ACACA: variants seen among roughly 807,000 people sequenced by gnomAD.
The protein encoded by ACACA is acetyl-CoA carboxylase 1.
Under a neutral mutation model 296.1 loss-of-function variants are expected in ACACA, and 103 were observed. The ratio of observed to expected loss-of-function variants is 0.35; its 90% CI spans 0.30 to 0.41. The LOEUF is 0.41. Among genes scored for constraint, ACACA ranks in the 10% least tolerant of loss-of-function variants. The pLI is 1.00. For synonymous variants in ACACA, 953 were observed against 1,038.6 expected (o/e 0.92, Z 1.58); for missense variants, 1,554 against 2,989.7 (o/e 0.52, Z 11.20).
chr17:37,160,267 C>T (rs1344467809), intron 42 of ACACA, among the ~76,000 whole-genome samples: 5 of 152,106 alleles, frequency 3.3e-5, no homozygotes, highest in Non-Finnish European at 7.3e-5. Flanking sequence ...TGATCGTACA[C>T]TTAAGTTAGC....
intron 1 of ACACA, chr17:37,379,407 G>A (rs1304184940): frequency 8.1e-6 from 13 of 1,605,706 alleles, no homozygotes; most frequent in African/African-American, 2.7e-5. Context: ...GAGGAAGGGG[G>A]CAGGCACTAA....
intron 3 of ACACA, among the ~76,000 whole-genome samples, chr17:37,300,530 TAAC>T (rs1204701940): frequency 1.3e-5 from 2 of 152,152 alleles, no homozygotes; most frequent in African/African-American, 2.4e-5. Context: ...TAGAAATAGT[TAAC>T]AATCTGATGC....
At chr17:37,138,085 A>T (rs555776519) in intron 45 of ACACA, among the ~76,000 whole-genome samples, 1 of 152,352 alleles carries the variant, frequency 6.6e-6, no homozygotes, top group East Asian at 1.9e-4. Flanking sequence ...GTCAAAAATC[A>T]GCCAGAAAAT....
chr17:37,367,259 C>CA (rs1350491259), intron 1 of ACACA, among the ~76,000 whole-genome samples: 1 of 148,796 alleles, frequency 6.7e-6, no homozygotes, highest in Non-Finnish European at 1.5e-5. Context: ...ATAAAGACAA[C>CA]AAAAAATCCA....
At chr17:37,374,899 G>C (rs2049939647) in intron 1 of ACACA, among the ~76,000 whole-genome samples, 2 of 152,030 alleles carry the variant, frequency 1.3e-5, no homozygotes. Context: ...TAATTCTAGA[G>C]ATCATATGGT....
intron 1 of ACACA, among the ~76,000 whole-genome samples, chr17:37,373,410 G>T (rs2049878222): frequency 6.6e-6 from 1 of 152,030 alleles, no homozygotes; most frequent in Non-Finnish European, 1.5e-5. Context: ...ACCACTCCTG[G>T]CTAATTTTGT....
intron 41 of ACACA, among the ~76,000 whole-genome samples, chr17:37,173,979 AATTTATATATATATATATATATATAT>A (rs1567761077): frequency 2.4e-4 from 10 of 41,870 alleles, no homozygotes; most frequent in African/African-American, 7.8e-4. Context: ...ACGCCTGGCT[AATTTATATATATATATATATATATAT>A]ATATATATAT....
chr17:37,113,332 T>C lies in ACACA; in HGVS notation c.6275-67A>G. 1.9e-6 allele frequency: 3 copies of C among 1,543,986 alleles called. No homozygotes were observed. Among genetic ancestry groups the C allele is most frequent in the Non-Finnish European group, 2.7e-6 (3 of 1,126,494 alleles). On this transcript the variant is annotated intron_variant, in intron 50 of 55. Transcript: ENST00000616317. The surrounding 1 kb of genome is among the most constrained non-coding windows in gnomAD (Gnocchi z 4.0). ...TCCTCAAAGCAGTACTTTTAAACAC[T>C]GTTCAGGACCTCTGGCCACGAAGAG... is the stretch of plus-strand genomic sequence containing the variant.
At chr17:37,105,384 G>A (rs1017221801) in intron 52 of ACACA, among the ~76,000 whole-genome samples, 3 of 152,182 alleles carry the variant, frequency 2.0e-5, no homozygotes, top group Admixed American at 1.3e-4. Flanking sequence ...GGCTGAGGCA[G>A]GAGAATCGCT....
intron 1 of ACACA, among the ~76,000 whole-genome samples, chr17:37,362,887 A>G (rs976951208): frequency 4.0e-5 from 6 of 148,786 alleles, no homozygotes; most frequent in African/African-American, 7.4e-5. Context: ...AGGCAGGAAA[A>G]TGGCGCGAAC....
At chr17:37,257,281 G>A (rs1179926775) in intron 14 of ACACA, among the ~76,000 whole-genome samples, 1 of 151,980 alleles carries the variant, frequency 6.6e-6, no homozygotes, top group Non-Finnish European at 1.5e-5. Flanking sequence ...ACAATAGATT[G>A]TGTACTTGAA....
In ACACA at chr17:37,299,535, T is replaced by C. The variant is rs2083517015; in HGVS notation, c.339-14565A>G. On this transcript the variant is annotated intron_variant, in intron 3 of 55. Transcript: ENST00000616317. ...GTCTAATTGTTCCCAATTTCCTTCTTTCCCCACCTTTCTCTTCCTTTTTGC... is the reference window on the plus strand; with the variant it reads ...GTCTAATTGTTCCCAATTTCCTTCTCTCCCCACCTTTCTCTTCCTTTTTGC... 3 of 1,422,500 alleles carry C rather than the reference T, an allele frequency of 2.1e-6. No individual in the cohort carries two copies. The East Asian group carries it at 7.7e-5, about 36-fold the overall frequency. 88.1% of individuals were successfully genotyped at this position (1,422,500 alleles called of 1,614,324 possible). A position where few individuals can be genotyped will look rare whatever the true frequency, so the allele number is the denominator to read the frequency against.
At chr17:37,138,565 G>A (rs907426401) in intron 45 of ACACA, among the ~76,000 whole-genome samples, 7 of 152,096 alleles carry the variant, frequency 4.6e-5, no homozygotes, top group African/African-American at 1.7e-4. Context: ...TAGAAGATAT[G>A]GTGCTCTAAA....
At chr17:37,216,166 C>G (rs1829409) in intron 29 of ACACA, among the ~76,000 whole-genome samples, 1 of 147,128 alleles carries the variant, frequency 6.8e-6, no homozygotes, top group Non-Finnish European at 1.5e-5. Flanking sequence ...ACAACATACA[C>G]ATGTTACATA....
Position 37,201,431 on chromosome 17 carries a change from C to CA in ACACA, c.4057-949dup, listed in dbSNP as rs397946940. On this transcript the variant is annotated intron_variant, in intron 33 of 55. Transcript: ENST00000616317. Reference sequence around the variant, plus strand: ...CCTGGGTGACAGAATGAGACTGTCTCAAAAAAAAAAAAAGAAGTCAACAGA... The same window carrying CA: ...CCTGGGTGACAGAATGAGACTGTCTCAAAAAAAAAAAAAAGAAGTCAACAGA... Among the ~76,000 whole-genome samples the CA allele has an allele frequency of 3.5e-3, 463 of 133,666 alleles. 2 individuals are homozygous for CA. The highest frequency in any genetic ancestry group is 6.7e-3 in the African/African-American group (243 of 36,444). 87.7% of individuals were successfully genotyped at this position (133,666 alleles called of 152,430 possible).
intron 1 of ACACA, among the ~76,000 whole-genome samples, chr17:37,396,476 T>C (rs2081957493): frequency 6.6e-6 from 1 of 152,174 alleles, no homozygotes; most frequent in Non-Finnish European, 1.5e-5. Flanking sequence ...CTGAAAGGCC[T>C]GAACAAGCCA....
At chr17:37,204,074 G>A (rs917968160) in intron 33 of ACACA, among the ~76,000 whole-genome samples, 4 of 152,074 alleles carry the variant, frequency 2.6e-5, no homozygotes, top group African/African-American at 7.2e-5. Flanking sequence ...CCAATGGTAC[G>A]AACTGTCTAC....
chr17:37,277,758 G>T, intron 6 of ACACA, 138 bp downstream of exon 6: 4 of 676,638 alleles, frequency 5.9e-6, no homozygotes, highest in Non-Finnish European at 8.0e-6. Flanking sequence ...TCCTTATTTG[G>T]TTTAGTTATC....
chr17:37,337,415 C>CAAAAAA (rs71159702), intron 2 of ACACA, among the ~76,000 whole-genome samples: 1 of 94,332 alleles, frequency 1.1e-5, no homozygotes, highest in Non-Finnish European at 2.2e-5. Context: ...GACCCTGTCT[C>CAAAAAA]AAAAAAAAAA....
Sources: gnomAD v4.1 joint callset for allele counts (sites outside exome capture counted in the v4.1 genomes callset) on GRCh38, gnomAD v4.1.1 for gene constraint, Gnocchi (gnomAD v3.1) non-coding constraint, MANE v1.5 for transcripts, NCBI Gene and HGNC (gene_info 2026-07-23, HGNC 2026-07-21) for gene names.